Variants in NFKBIA observed in about 807,000 individuals in gnomAD.
NFKBIA encodes NF-kappa-B inhibitor alpha.
NFKBIA carries 10 observed loss-of-function variants against 36.3 expected under a neutral mutation model. The ratio of observed to expected loss-of-function variants is 0.28; its 90% CI spans 0.17 to 0.47. The LOEUF is 0.47. Among genes scored for constraint, NFKBIA ranks in the 20% least tolerant of loss-of-function variants. NFKBIA has a pLI of 0.99. For synonymous variants in NFKBIA, 205 were observed against 164.4 expected (o/e 1.25, Z -1.89); for missense variants, 355 against 399.3 (o/e 0.89, Z 0.94).
rs1566590012 is a variant in NFKBIA at position 35,402,538 on chromosome 14, G to A, written c.762C>T (p.Tyr254=). ...TGCTTGGGCGGCCCCAGGTGAGCTGGTAGGGAGAATAGCCCTGGTAGGTAA... is the reference window on the plus strand; with the variant it reads ...TGCTTGGGCGGCCCCAGGTGAGCTGATAGGGAGAATAGCCCTGGTAGGTAA... ...NRVTYQGYSP[Y]QLTWGRPSTR... Residue 254 remains tyrosine (Y), a synonymous_variant, in exon 5 of 6, where the codon TAC becomes TAT. Transcript: ENST00000216797. The A allele has an allele frequency of 6.2e-7, 1 of 1,614,212 alleles. No individual in the cohort carries two copies.
At position 35,402,478 on chromosome 14, in the gene NFKBIA, T is replaced by C. The variant is rs750562815; in HGVS notation, c.822A>G (p.Leu274=). The change falls in exon 5 of 6, where the codon CTA becomes CTG. Residue 274 remains leucine, a synonymous_variant. Coordinates refer to ENST00000216797, the MANE Select transcript of NFKBIA (RefSeq NM_020529.3). The part of the protein sequence containing the change: ...RIQQQLGQLT[L]ENLQMLPESE... ...TCTCTGGCAGCATCTGAAGGTTTTCTAGTGTCAGCTGGCCCAGCTGCTGCT... is the reference window on the plus strand; with the variant it reads ...TCTCTGGCAGCATCTGAAGGTTTTCCAGTGTCAGCTGGCCCAGCTGCTGCT... 5.6e-6 allele frequency: 9 copies of C among 1,614,058 alleles called. No individual in the cohort carries two copies. The highest frequency in any genetic ancestry group is 2.2e-5 in the East Asian group (1 of 44,900).
intron 5 of NFKBIA, 128 bp downstream of exon 5, chr14:35,402,266 T>TTAAAAAAAA: frequency 1.5e-6 from 2 of 1,294,552 alleles, no homozygotes; most frequent in Admixed American, 3.4e-5. Flanking sequence ...GGGATACTGG[T>TTAAAAAAAA]TATGCACAGA....
chr14:35,404,371 C>CG, intron 1 of NFKBIA, 47 bp downstream of exon 1: 1 of 1,218,106 alleles, frequency 8.2e-7, no homozygotes, highest in Non-Finnish European at 1.1e-6. Context: ...AGGCCGCGCG[C>CG]GTCCCGCCCT....
In NFKBIA at chr14:35,404,622, G is replaced by T. The variant is rs1269522219; in HGVS notation, c.23C>A (p.Pro8His). The change falls in exon 1 of 6, where the codon CCC becomes CAC. Residue 8 changes from proline (P) to histidine (H), a missense_variant. By Grantham distance (77) the Pro-to-His change is moderately conservative. Coordinates refer to ENST00000216797, the MANE Select transcript of NFKBIA (RefSeq NM_020529.3). Reference protein sequence around the residue: MFQAAERPQEWAMEGPRD... With the variant: MFQAAERHQEWAMEGPRD... The stretch of plus-strand genomic sequence containing the variant: ...GGGGCCCTCCATGGCCCACTCCTGG[G>T]GGCGCTCGGCCGCCTGGAACATGGC... 4 of 1,529,992 alleles carry T rather than the reference G, an allele frequency of 2.6e-6. No individual in the cohort carries two copies. The highest frequency in any genetic ancestry group is 3.5e-6 in the Non-Finnish European group (4 of 1,139,594). 94.8% of individuals were successfully genotyped at this position (1,529,992 alleles called of 1,614,324 possible). A position where few individuals can be genotyped will look rare whatever the true frequency, so the allele number is the denominator to read the frequency against.
chr14:35,403,622 TG>T, intron 2 of NFKBIA, 67 bp downstream of exon 2: 2 of 1,140,400 alleles, frequency 1.8e-6, no homozygotes, highest in Non-Finnish European at 2.6e-6. Flanking sequence ...AGAAAGGATC[TG>T]GGGTGACTCT....
chr14:35,402,374 G>T lies in NFKBIA; in HGVS notation c.906+20C>A. Reference sequence around the variant, plus strand: ...ATGGCACCTCATTAGTTAGAGCGCCGAAGGAGTTCACAGACTCACCTCGTC... The same window carrying T: ...ATGGCACCTCATTAGTTAGAGCGCCTAAGGAGTTCACAGACTCACCTCGTC... On this transcript the variant is annotated intron_variant, in intron 5 of 5. Coordinates refer to ENST00000216797, the MANE Select transcript of NFKBIA (RefSeq NM_020529.3). 1 of 1,613,932 alleles carries T rather than the reference G, an allele frequency of 6.2e-7. No homozygotes were observed. Among genetic ancestry groups the T allele is most frequent in the East Asian group, 2.2e-5 (1 of 44,882 alleles).
Position 35,403,219 on chromosome 14 carries a change from C to A in NFKBIA, c.478G>T (p.Val160Leu). The change falls in exon 3 of 6, where the codon GTG (valine) becomes TTG (leucine). Residue 160 changes from valine (V) to leucine (L), a missense_variant. Physicochemically the swap from Val to Leu is conservative, Grantham distance 32 (BLOSUM62 1). Transcript: ENST00000216797. ...GTGCAGGACTGAGTCAGGACTCCCA[C>A]GCTGGCCAGGCAGCCCTGCTCACAG... Reference protein sequence around the residue: ...LACEQGCLASVGVLTQSCTTP... With the variant: ...LACEQGCLASLGVLTQSCTTP... 1 of 1,612,720 alleles carries A rather than the reference C, an allele frequency of 6.2e-7. No individual in the cohort carries two copies. Among genetic ancestry groups the A allele is most frequent in the Non-Finnish European group, 8.5e-7 (1 of 1,180,000 alleles).
rs142970414 is a variant in NFKBIA, at chr14:35,402,026, C to T, written c.941G>A (p.Arg314His). ...GCCCCTTTGCGCTCATAACGTCAGA[C>T]GCTGGCCTCCAAACACACAGTCATC... is the stretch of plus-strand genomic sequence containing the variant. The part of the protein sequence containing the change: ...PYDDCVFGGQ[R>H]LTL Residue 314 changes from arginine (R) to histidine (H), a missense_variant, in exon 6 of 6, where the codon CGT becomes CAT. By Grantham distance (29) the Arg-to-His change is conservative. Transcript: ENST00000216797. 45 of 1,613,782 alleles carry T rather than the reference C, an allele frequency of 2.8e-5. No individual in the cohort carries two copies. Among genetic ancestry groups the T allele is most frequent in the African/African-American group, 8.0e-5 (6 of 74,794 alleles).
At chr14:35,402,360 T>TTA (rs757400212) in intron 5 of NFKBIA, 34 bp downstream of exon 5, 1 of 1,613,186 alleles carries the variant, frequency 6.2e-7, no homozygotes, top group East Asian at 2.2e-5. Context: ...TGGCACCTCA[T>TTA]TAGTTAGAGC....
At position 35,402,631 on chromosome 14, in the gene NFKBIA, G is replaced by A. The variant is rs143869405; in HGVS notation, c.669C>T (p.Leu223=). ...EPCNGRTALH[L]AVDLQNPDLV... Reference sequence around the variant, plus strand: ...GGTCAGGATTTTGCAGGTCCACTGCGAGGTGAAGGGCAGTCCGGCCATTAC... The same window carrying A: ...GGTCAGGATTTTGCAGGTCCACTGCAAGGTGAAGGGCAGTCCGGCCATTAC... Residue 223 remains leucine, a synonymous_variant, in exon 5 of 6, where the codon CTC becomes CTT. Transcript: ENST00000216797. 20 of 1,614,224 alleles carry A rather than the reference G, an allele frequency of 1.2e-5. No individual in the cohort carries two copies. Among genetic ancestry groups the A allele is most frequent in the Non-Finnish European group, 1.4e-5 (17 of 1,180,044 alleles).
In NFKBIA at chr14:35,401,831, A is replaced by C; in HGVS notation, c.*182T>G. ...ATGATCTTTCTCGTCCCCTACAAAA[A>C]GTTCACAAAAGCAACAAAATGAGGG... On this transcript the variant is annotated 3_prime_UTR_variant, in exon 6 of 6. Coordinates refer to ENST00000216797, the MANE Select transcript of NFKBIA (RefSeq NM_020529.3). The C allele has an allele frequency of 1.5e-6, 1 of 657,360 alleles. No homozygotes were observed. Among genetic ancestry groups the C allele is most frequent in the Non-Finnish European group, 2.7e-6 (1 of 373,032 alleles). 40.7% of individuals were successfully genotyped at this position (657,360 alleles called of 1,614,324 possible).
At chr14:35,402,914 C>T in intron 3 of NFKBIA, 55 bp from the exon 4 acceptor site, 1 of 1,513,830 alleles carries the variant, frequency 6.6e-7, no homozygotes, top group Non-Finnish European at 9.1e-7. Flanking sequence ...TCACTCCTTT[C>T]ACCTATTCTT....
At chr14:35,403,048 G>C in intron 3 of NFKBIA, 102 bp downstream of exon 3, 2 of 1,385,640 alleles carry the variant, frequency 1.4e-6, no homozygotes, top group Non-Finnish European at 1.0e-6. Context: ...CAAATGTTAG[G>C]AGTTTAAGCT....
chr14:35,404,088 A>T, intron 1 of NFKBIA: 1 of 435,576 alleles, frequency 2.3e-6, no homozygotes, highest in Non-Finnish European at 4.2e-6. Context: ...GCGGCCAGAA[A>T]CTCCCGCCCC....
chr14:35,403,986 C>T lies in NFKBIA; in HGVS notation c.228-188G>A, dbSNP rs1205275845. 6.5e-6 allele frequency: 4 copies of T among 612,728 alleles called. No homozygotes were observed. In the Middle Eastern group the frequency reaches 1.3e-3, roughly 199 times the overall value. 38.0% of individuals were successfully genotyped at this position (612,728 alleles called of 1,614,324 possible). On this transcript the variant is annotated intron_variant, in intron 1 of 5. Transcript: ENST00000216797. ...CAGGGACTTTCCGCCCCCCTCCCCCCGCGGCCCCGGCGGGCGCCGGCCAGA... is the reference window on the plus strand; with the variant it reads ...CAGGGACTTTCCGCCCCCCTCCCCCTGCGGCCCCGGCGGGCGCCGGCCAGA...
At chr14:35,404,351 T>TTC in intron 1 of NFKBIA, 67 bp downstream of exon 1, 1 of 1,049,904 alleles carries the variant, frequency 9.5e-7, no homozygotes, top group Non-Finnish European at 1.3e-6. Context: ...GCCCGGCGCC[T>TTC]CCCACCCCCA....
In NFKBIA at chr14:35,403,676, G is replaced by A. The variant is rs988662979; in HGVS notation, c.336+14C>T. On this transcript the variant is annotated intron_variant, in intron 2 of 5. Coordinates refer to ENST00000216797, the MANE Select transcript of NFKBIA (RefSeq NM_020529.3). The stretch of plus-strand genomic sequence containing the variant: ...CCAGGGTCAGAGAGAACCCGGGCCA[G>A]GCAAGCGGCGCACCTGCTGCAGGTT... The A allele has an allele frequency of 6.3e-7, 1 of 1,596,350 alleles. No homozygotes were observed. Among genetic ancestry groups the A allele is most frequent in the African/African-American group, 1.3e-5 (1 of 74,664 alleles).
intron 1 of NFKBIA, 187 bp from the exon 2 acceptor site, chr14:35,403,985 C>G (rs544341221): frequency 3.1e-5 from 19 of 613,836 alleles, no homozygotes; most frequent in South Asian, 1.3e-4. Context: ...CCCCCTCCCC[C>G]CGCGGCCCCG....
chr14:35,404,363 GC>G, intron 1 of NFKBIA, 54 bp downstream of exon 1: 1 of 1,117,874 alleles, frequency 8.9e-7, no homozygotes, highest in Non-Finnish European at 1.2e-6. Flanking sequence ...CCACCCCCAG[GC>G]CGCGCGCGTC....
Sources: gnomAD v4.1 joint callset for allele counts on GRCh38, gnomAD v4.1.1 for gene constraint, MANE v1.5 for transcripts, NCBI Gene and HGNC (gene_info 2026-07-23, HGNC 2026-07-21) for gene names.